KPNA1: variants seen among roughly 807,000 people sequenced by gnomAD.
KPNA1 encodes importin subunit alpha-5.
In KPNA1, 10 loss-of-function variants were observed where a neutral mutation model predicts 70.5. The observed-to-expected ratio is 0.14, with a 90% confidence interval of 0.09 to 0.24. The LOEUF is 0.24. Among genes scored for constraint, KPNA1 ranks in the 10% least tolerant of loss-of-function variants. KPNA1 has a pLI of 1.00. For missense variants in KPNA1, 397 were observed against 637.9 expected (o/e 0.62, Z 4.07); for synonymous variants, 192 against 221.9 (o/e 0.87, Z 1.20).
intron 5 of KPNA1, chr3:122,457,852 G>C: frequency 7.8e-7 from 1 of 1,288,922 alleles, no homozygotes; most frequent in Non-Finnish European, 1.0e-6. Flanking sequence ...GGCTCACCTG[G>C]AGAGCAAGTG....
chr3:122,496,775 C>T (rs767348870), intron 1 of KPNA1: 53 of 379,532 alleles, frequency 1.4e-4, no homozygotes, highest in Non-Finnish European at 2.3e-4. Context: ...GCAATCATAG[C>T]TCACTGTAGC....
At position 122,499,088 on chromosome 3, in the gene KPNA1, A is replaced by T. The variant is rs539739425; in HGVS notation, c.-5-2518T>A. Among the ~76,000 whole-genome samples, 10 of 152,272 alleles carry T rather than the reference A, an allele frequency of 6.6e-5. No individual in the cohort carries two copies. In the East Asian group the frequency reaches 1.9e-3, roughly 29 times the overall value. On this transcript the variant is annotated intron_variant, in intron 1 of 13. Transcript: ENST00000344337. ...ATCTTGTATTTTACAATCCTGCTGA[A>T]CTTGTTTAATTGGTGCTAATGCTTT...
At position 122,427,145 on chromosome 3, in the gene KPNA1, C is replaced by G; in HGVS notation, c.1457G>C (p.Ser486Thr). ...YGLDKIEFLQ[S>T]HENQEIYQKA... ...TTGGTAGATCTCCTGGTTTTCATGA[C>G]TCTGTAAGAACTCAATTTTATCCAG... is the stretch of plus-strand genomic sequence containing the variant. Residue 486 changes from serine to threonine, a missense_variant, in exon 14 of 14, where the codon AGT becomes ACT. Transcript: ENST00000344337. 1.2e-6 allele frequency: 2 copies of G among 1,613,908 alleles called. No homozygotes were observed. The highest frequency in any genetic ancestry group is 1.7e-6 in the Non-Finnish European group (2 of 1,179,870).
chr3:122,495,378 A>G (rs1290323608), intron 2 of KPNA1, among the ~76,000 whole-genome samples: 1 of 152,168 alleles, frequency 6.6e-6, no homozygotes, highest in Admixed American at 6.5e-5. Context: ...TTAAGTGGAT[A>G]CATTCAAAGA....
intron 12 of KPNA1, 68 bp from the exon 13 acceptor site, chr3:122,427,784 A>G (rs1353976786): frequency 9.1e-7 from 1 of 1,096,102 alleles, no homozygotes; most frequent in Non-Finnish European, 1.3e-6. Flanking sequence ...ATTAGTGAGC[A>G]AGTCATCCTC....
At chr3:122,436,071 G>A (rs938272074) in intron 11 of KPNA1, among the ~76,000 whole-genome samples, 1 of 152,212 alleles carries the variant, frequency 6.6e-6, no homozygotes, top group Non-Finnish European at 1.5e-5. Flanking sequence ...TCATGAGAAA[G>A]AGAATGCGTT....
intron 2 of KPNA1, among the ~76,000 whole-genome samples, chr3:122,479,137 A>G (rs6769837): frequency 0.22 from 33,982 of 152,030 alleles, 4,218 homozygotes; most frequent in Non-Finnish European, 0.27. Context: ...ATATCTAATG[A>G]AAGACTGGTA....
chr3:122,496,103 T>C (rs944509925), intron 2 of KPNA1, among the ~76,000 whole-genome samples: 1 of 152,162 alleles, frequency 6.6e-6, no homozygotes, highest in Non-Finnish European at 1.5e-5. Flanking sequence ...CACTTGTGAA[T>C]TAATTAACAA....
intron 1 of KPNA1, among the ~76,000 whole-genome samples, chr3:122,514,061 T>C (rs2076986599): frequency 1.3e-5 from 2 of 152,192 alleles, no homozygotes; most frequent in Admixed American, 1.3e-4. Context: ...CCTCCTCCCG[T>C]TTTGAGCTTA....
chr3:122,437,244 G>C lies in KPNA1; in HGVS notation c.1048C>G (p.Pro350Ala), dbSNP rs758586479. The C allele has an allele frequency of 6.2e-7, 1 of 1,613,466 alleles. No individual in the cohort carries two copies. Among genetic ancestry groups the C allele is most frequent in the Non-Finnish European group, 8.5e-7 (1 of 1,179,630 alleles). Reference sequence around the variant, plus strand: ...GCTTCCTTTTTGATAGATTCCTTTGGGCTACTCAGCAAATGCAATAAACTC... The same window carrying C: ...GCTTCCTTTTTGATAGATTCCTTTGCGCTACTCAGCAAATGCAATAAACTC... ...LQSLLHLLSS[P>A]KESIKKEACW... The change falls in exon 11 of 14, where the codon CCA becomes GCA. Residue 350 changes from proline (P) to alanine (A), a missense_variant. Coordinates refer to ENST00000344337, the MANE Select transcript of KPNA1 (RefSeq NM_002264.4).
intron 9 of KPNA1, chr3:122,442,882 G>A (rs1343208816): frequency 6.6e-6 from 1 of 152,310 alleles, no homozygotes; most frequent in Non-Finnish European, 1.5e-5. Context: ...CTCCCAGAGT[G>A]ATCGACGCAG....
chr3:122,511,164 A>G (rs1023392068), intron 1 of KPNA1, among the ~76,000 whole-genome samples: 2 of 152,196 alleles, frequency 1.3e-5, no homozygotes, highest in Non-Finnish European at 2.9e-5. Flanking sequence ...TAGATGTCAG[A>G]GTACTTTCAG....
chr3:122,485,166 G>A (rs989675712), intron 2 of KPNA1, among the ~76,000 whole-genome samples: 3 of 151,942 alleles, frequency 2.0e-5, no homozygotes, highest in Non-Finnish European at 2.9e-5. Flanking sequence ...TTCCCGCCTC[G>A]GCCTCCCAAA....
At chr3:122,470,466 C>G (rs112902262) in intron 2 of KPNA1, among the ~76,000 whole-genome samples, 14 of 151,826 alleles carry the variant, frequency 9.2e-5, no homozygotes, top group African/African-American at 3.4e-4. Context: ...GAGCCAATAT[C>G]GCACCACTGC....
rs2075838822 is a variant in KPNA1, at chr3:122,427,559, C to T, written c.1408G>A (p.Ala470Thr). The T allele has an allele frequency of 1.2e-6, 2 of 1,612,116 alleles. No individual in the cohort carries two copies. The highest frequency in any genetic ancestry group is 2.2e-5 in the East Asian group (1 of 44,882). Residue 470 changes from alanine (A) to threonine (T), a missense_variant, in exon 13 of 14, where the codon GCT (alanine) becomes ACT (threonine). Coordinates refer to ENST00000344337, the MANE Select transcript of KPNA1 (RefSeq NM_002264.4). ...RNGTGINPYC[A>T]LIEEAYGLDK... The stretch of plus-strand genomic sequence containing the variant: ...TTACCATAAGCTTCTTCAATCAAAG[C>T]ACAGTAAGGGTTAATGCCAGTGCCA...
intron 2 of KPNA1, among the ~76,000 whole-genome samples, chr3:122,493,773 C>T (rs868677600): frequency 2.6e-5 from 4 of 152,114 alleles, no homozygotes; most frequent in Non-Finnish European, 4.4e-5. Context: ...TTAGTAGAGA[C>T]GGGATTTCAC....
intron 12 of KPNA1, 144 bp downstream of exon 12, chr3:122,433,517 T>C: frequency 3.4e-6 from 2 of 586,878 alleles, no homozygotes; most frequent in Non-Finnish European, 2.8e-6. Flanking sequence ...TAAACATTCT[T>C]ATTTGGTAAG....
At chr3:122,439,006 T>C (rs2076027240) in intron 10 of KPNA1, among the ~76,000 whole-genome samples, 1 of 152,176 alleles carries the variant, frequency 6.6e-6, no homozygotes, top group Non-Finnish European at 1.5e-5. Flanking sequence ...ACTAAAATTT[T>C]AATAGAAAAT....
chr3:122,472,282 A>G (rs1471743708), intron 2 of KPNA1, among the ~76,000 whole-genome samples: 1 of 152,226 alleles, frequency 6.6e-6, no homozygotes, highest in Admixed American at 6.5e-5. Context: ...TAACAGAAAT[A>G]TAATTTTTAA....
Sources: allele counts gnomAD v4.1 joint callset (sites outside exome capture counted in the v4.1 genomes callset), GRCh38; gene constraint gnomAD v4.1.1; transcripts MANE v1.5; gene names NCBI Gene and HGNC (gene_info 2026-07-23, HGNC 2026-07-21).